The following HCRTR2 variants were observed in gnomAD, a reference collection of about 807,000 sequenced individuals.
HCRTR2 encodes the protein orexin receptor type 2.
In HCRTR2, 22 loss-of-function variants were observed where a neutral mutation model predicts 49.0. The ratio of observed to expected loss-of-function variants is 0.45; its 90% CI spans 0.32 to 0.64. HCRTR2 has a LOEUF of 0.64. Among genes scored for constraint, HCRTR2 ranks in the 30% least tolerant of loss-of-function variants. HCRTR2 has a pLI of 0.04. For synonymous variants in HCRTR2, 236 were observed against 205.3 expected, an observed-to-expected ratio of 1.15 and a Z score of -1.28; for missense variants, 491 against 559.4, an observed-to-expected ratio of 0.88 and a Z score of 1.23.
intron 1 of HCRTR2, among the ~76,000 whole-genome samples, chr6:55,218,990 AT>A (rs60739232): frequency 0.012 from 1,884 of 152,178 alleles, 37 homozygotes; most frequent in African/African-American, 0.041. Context: ...TACCCAGCTA[AT>A]TTTTTAACCT....
At chr6:55,254,564 G>A (rs1004515502) in intron 2 of HCRTR2, among the ~76,000 whole-genome samples, 2 of 152,030 alleles carry the variant, frequency 1.3e-5, no homozygotes, top group Admixed American at 6.6e-5. Context: ...AATATGACTC[G>A]TAACTTTCCT....
rs1562032089 is a variant in HCRTR2 at position 55,278,758 on chromosome 6, T to TTA, written c.983+1159_983+1160insAT. ...TATTATTATTATTATTATTATTATTTTTGCTAACAGAAATTTAATACAAAT... is the reference window on the plus strand; with the variant it reads ...TATTATTATTATTATTATTATTATTTTATTGCTAACAGAAATTTAATACAAAT... On this transcript the variant is annotated intron_variant, in intron 5 of 6. Transcript: ENST00000370862. Among the ~76,000 whole-genome samples, 13 of 117,762 alleles carry TTA rather than the reference T, an allele frequency of 1.1e-4. No individual in the cohort carries two copies. In the East Asian group the frequency reaches 1.3e-3, roughly 12 times the overall value. The allele number at this position is 117,762 out of a possible 152,430, so 77.3% of individuals were successfully genotyped here. A position where few individuals can be genotyped will look rare whatever the true frequency, so the allele number is the denominator to read the frequency against.
At chr6:55,271,761 C>T (rs191408398) in intron 4 of HCRTR2, among the ~76,000 whole-genome samples, 6 of 152,046 alleles carry the variant, frequency 3.9e-5, no homozygotes, top group Admixed American at 3.3e-4. Flanking sequence ...TCAATAAGCA[C>T]ATAAGAAGGT....
chr6:55,182,336 G>A (rs1463812323), intron 1 of HCRTR2, among the ~76,000 whole-genome samples: 3 of 152,206 alleles, frequency 2.0e-5, no homozygotes, highest in Non-Finnish European at 2.9e-5. Context: ...GCAGTGAAAC[G>A]ATGTCACTTT....
intron 3 of HCRTR2, among the ~76,000 whole-genome samples, chr6:55,263,151 G>A (rs938668424): frequency 6.6e-6 from 1 of 152,006 alleles, no homozygotes; most frequent in African/African-American, 2.4e-5. Flanking sequence ...AATAATCATT[G>A]TCAAATTTGT....
intron 1 of HCRTR2, among the ~76,000 whole-genome samples, chr6:55,121,721 T>C (rs950876273): frequency 3.9e-5 from 6 of 152,202 alleles, no homozygotes; most frequent in Admixed American, 1.3e-4. Flanking sequence ...GAGATAATCA[T>C]GTGGTTTTTG....
intron 1 of HCRTR2, among the ~76,000 whole-genome samples, chr6:55,211,130 G>A (rs72979964): frequency 0.01 from 1,551 of 152,170 alleles, 12 homozygotes; most frequent in Non-Finnish European, 0.017. Context: ...GTGTGTAGTA[G>A]GCTATACCAT....
intron 1 of HCRTR2, among the ~76,000 whole-genome samples, chr6:55,124,904 T>G (rs1037058835): frequency 6.6e-6 from 1 of 152,036 alleles, no homozygotes; most frequent in East Asian, 1.9e-4. Flanking sequence ...TACAATCTGT[T>G]TTACCAGAGA....
At chr6:55,239,699 A>G (rs779370205) in intron 1 of HCRTR2, among the ~76,000 whole-genome samples, 22 of 151,284 alleles carry the variant, frequency 1.5e-4, no homozygotes, top group Non-Finnish European at 2.8e-4. Context: ...AGAGACTTTT[A>G]TATTTTCTTT....
At chr6:55,170,136 G>T (rs899137413), upstream of HCRTR2, among the ~76,000 whole-genome samples, 1 of 151,410 alleles carries the variant, frequency 6.6e-6, no homozygotes, top group Admixed American at 6.6e-5. Flanking sequence ...TAAATGACAA[G>T]AAAAATTTAA....
At chr6:55,238,569 C>T (rs550131926) in intron 1 of HCRTR2, among the ~76,000 whole-genome samples, 1 of 152,176 alleles carries the variant, frequency 6.6e-6, no homozygotes, top group Non-Finnish European at 1.5e-5. Context: ...CAGAAACACA[C>T]ACACACGCTC....
intron 1 of HCRTR2, among the ~76,000 whole-genome samples, chr6:55,245,939 T>C (rs1198246476): frequency 6.6e-6 from 1 of 152,034 alleles, no homozygotes; most frequent in South Asian, 2.1e-4. Flanking sequence ...TTTGATATGG[T>C]AAAGTCATAT....
chr6:55,257,932 G>T lies in HCRTR2; in HGVS notation c.646+2553G>T, dbSNP rs116532289. ...AGTCATTTAAATATTAAATGAAATT[G>T]CTAAGAATATTTTTAAGAAAAAATA... On this transcript the variant is annotated intron_variant, in intron 3 of 6. Transcript: ENST00000370862. Among the ~76,000 whole-genome samples, 685 of 151,946 alleles carry T rather than the reference G, an allele frequency of 4.5e-3. 8 individuals are homozygous for T. Among genetic ancestry groups the T allele is most frequent in the African/African-American group, 0.016 (646 of 41,502 alleles).
intron 1 of HCRTR2, among the ~76,000 whole-genome samples, chr6:55,146,715 AAC>A (rs1349968987): frequency 3.9e-5 from 6 of 152,172 alleles, no homozygotes; most frequent in South Asian, 2.1e-4. Flanking sequence ...TCAAAATTCA[AAC>A]AGTGTTTTTC....
chr6:55,115,284 T>C (rs566130233), intron 1 of HCRTR2, among the ~76,000 whole-genome samples: 95 of 151,894 alleles, frequency 6.3e-4, no homozygotes, highest in African/African-American at 2.2e-3. Context: ...TAGGTGTTGA[T>C]CACTTCTAGT....
downstream of HCRTR2, among the ~76,000 whole-genome samples, chr6:55,284,074 G>A (rs1318756142): frequency 6.6e-5 from 10 of 151,982 alleles, no homozygotes; most frequent in Admixed American, 5.3e-4. Flanking sequence ...TGTAATTTTC[G>A]GATCGTGATG....
At chr6:55,251,790 A>G (rs529337323) in intron 2 of HCRTR2, among the ~76,000 whole-genome samples, 3 of 152,154 alleles carry the variant, frequency 2.0e-5, no homozygotes, top group South Asian at 4.1e-4. Flanking sequence ...ATCCCCAAAC[A>G]TTATCCTGTG....
rs1172662504 is a variant in HCRTR2 at position 55,282,310 on chromosome 6, A to G, written c.1191A>G (p.Gly397=). The G allele has an allele frequency of 6.2e-7, 1 of 1,613,728 alleles. No individual in the cohort carries two copies. Among genetic ancestry groups the G allele is most frequent in the East Asian group, 2.2e-5 (1 of 44,854 alleles). The change falls in exon 7 of 7, where the codon GGA becomes GGG. Residue 397 remains glycine, a synonymous_variant. Coordinates refer to ENST00000370862, the MANE Select transcript of HCRTR2 (RefSeq NM_001384272.1). The stretch of plus-strand genomic sequence containing the variant: ...GCCAGGAGGATCGGCTCACCAGGGG[A>G]CGAACTAGCACAGAGAGCCGGAAGT... The part of the protein sequence containing the change: ...HHRQEDRLTR[G]RTSTESRKSL...
intron 1 of HCRTR2, among the ~76,000 whole-genome samples, chr6:55,126,014 T>C (rs1243285484): frequency 6.6e-6 from 1 of 152,090 alleles, no homozygotes; most frequent in Non-Finnish European, 1.5e-5. Context: ...TAGCAATTAC[T>C]CTAGCCTTTT....
Sources: allele counts gnomAD v4.1 joint callset (sites outside exome capture counted in the v4.1 genomes callset), GRCh38; gene constraint gnomAD v4.1.1; transcripts MANE v1.5; gene names NCBI Gene and HGNC (gene_info 2026-07-23, HGNC 2026-07-21).